Variants in SLC38A10 observed in about 807,000 individuals in gnomAD.
SLC38A10 encodes the protein Sodium-coupled neutral amino acid transporter 10.
Under a neutral mutation model 81.0 loss-of-function variants are expected in SLC38A10, and 53 were observed. That is an observed-to-expected ratio of 0.65 (90% CI 0.53 to 0.82). SLC38A10 has a LOEUF of 0.82. Among genes scored for constraint, SLC38A10 ranks in the 40% least tolerant of loss-of-function variants. The pLI is 0.00. For missense variants in SLC38A10, 1,471 were observed against 1,545.0 expected, an observed-to-expected ratio of 0.95 and a Z score of 0.80; for synonymous variants, 665 against 655.3, an observed-to-expected ratio of 1.01 and a Z score of -0.23.
Position 81,254,009 on chromosome 17 carries a change from AATC to A in SLC38A10, c.1289-772_1289-770del, listed in dbSNP as rs1239207150. Among the ~76,000 whole-genome samples the A allele has an allele frequency of 4.0e-5, 6 of 149,230 alleles. No homozygotes were observed. The East Asian group carries it at 6.1e-4, about 15-fold the overall frequency. On this transcript the variant is annotated intron_variant, in intron 11 of 15. Coordinates refer to ENST00000374759, the MANE Select transcript of SLC38A10 (RefSeq NM_001037984.3). Reference sequence around the variant, plus strand: ...GCTGCATCATTGCCACCACCTCCATAATCATCACCTACATCACCGTCACCTCCA... The same window carrying A: ...GCTGCATCATTGCCACCACCTCCATAATCACCTACATCACCGTCACCTCCA...
chr17:81,271,119 G>A, intron 9 of SLC38A10, 95 bp from the exon 10 acceptor site: 2 of 1,024,980 alleles, frequency 2.0e-6, no homozygotes, highest in Non-Finnish European at 1.5e-6. Context: ...GAGCAAGCCA[G>A]CATTGAAGGA....
In SLC38A10 at chr17:81,283,560, G is replaced by A; in HGVS notation, c.264-58C>T. On this transcript the variant is annotated intron_variant, in intron 3 of 15. Coordinates refer to ENST00000374759, the MANE Select transcript of SLC38A10 (RefSeq NM_001037984.3). This position sits in a 1 kb window ranked among gnomAD's most constrained non-coding sequence, Gnocchi z 4.7. Reference sequence around the variant, plus strand: ...TCAGGGCAAGCTGGCACACACCTGGGCTGCCGCCAGGGACTACCCCAAGGC... The same window carrying A: ...TCAGGGCAAGCTGGCACACACCTGGACTGCCGCCAGGGACTACCCCAAGGC... 1 of 1,365,934 alleles carries A rather than the reference G, an allele frequency of 7.3e-7. No homozygotes were observed. Among genetic ancestry groups the A allele is most frequent in the Non-Finnish European group, 1.0e-6 (1 of 972,430 alleles). The allele number at this position is 1,365,934 out of a possible 1,614,324, so 84.6% of individuals were successfully genotyped here.
chr17:81,250,591 A>G (rs1403232819), intron 14 of SLC38A10, among the ~76,000 whole-genome samples: 2 of 152,256 alleles, frequency 1.3e-5, no homozygotes, highest in Non-Finnish European at 2.9e-5. Context: ...TCCCTGGAAC[A>G]GACCCTCTCA....
Position 81,246,513 on chromosome 17 carries a change from G to A in SLC38A10, c.2403C>T (p.Arg801=), listed in dbSNP as rs755026709. Residue 801 remains arginine (R), a synonymous_variant, in exon 16 of 16, where the codon CGC becomes CGT. Transcript: ENST00000374759. ...CAGGCCCCTCAGAGTGCTCCAGGGA[G>A]CGCTGGTTAAGGTCCTGGGATGGAG... ...RPAPSQDLNQ[R]SLEHSEGPVG... is the part of the protein sequence containing the mutation. The A allele has an allele frequency of 3.9e-6, 6 of 1,531,448 alleles. No individual in the cohort carries two copies. Among genetic ancestry groups the A allele is most frequent in the Admixed American group, 4.3e-5 (2 of 46,418 alleles). 94.9% of individuals were successfully genotyped at this position (1,531,448 alleles called of 1,614,324 possible).
At chr17:81,275,804 A>G (rs926459751) in intron 8 of SLC38A10, among the ~76,000 whole-genome samples, 165 bp downstream of exon 8, 2 of 151,452 alleles carry the variant, frequency 1.3e-5, no homozygotes, top group African/African-American at 4.9e-5. Flanking sequence ...GCTCCTGCCC[A>G]TCAATCTGGT....
At chr17:81,280,272 G>A in intron 6 of SLC38A10, 1 of 454,094 alleles carries the variant, frequency 2.2e-6, no homozygotes, top group Non-Finnish European at 4.3e-6. Flanking sequence ...TCTCAGAACA[G>A]CTAAATTCTG....
At position 81,253,357 on chromosome 17, in the gene SLC38A10, T is replaced by G; in HGVS notation, c.1289-117A>C. 3.9e-6 allele frequency: 5 copies of G among 1,291,572 alleles called. No individual in the cohort carries two copies. Among genetic ancestry groups the G allele is most frequent in the Non-Finnish European group, 5.2e-6 (5 of 955,950 alleles). The allele number at this position is 1,291,572 out of a possible 1,614,324, so 80.0% of individuals were successfully genotyped here. A position where few individuals can be genotyped will look rare whatever the true frequency, so the allele number is the denominator to read the frequency against. On this transcript the variant is annotated intron_variant, in intron 11 of 15. Transcript: ENST00000374759. This position sits in a 1 kb window ranked among gnomAD's most constrained non-coding sequence, Gnocchi z 4.1. ...AATGGCAGAGTCAAAGCAGTTTCTT[T>G]TTCCTGTTCGATCATTAGCAGCTAA...
At chr17:81,269,957 T>A (rs1369492827) in intron 10 of SLC38A10, among the ~76,000 whole-genome samples, 1 of 151,760 alleles carries the variant, frequency 6.6e-6, no homozygotes, top group Non-Finnish European at 1.5e-5. Context: ...AGAGTGAAAC[T>A]CTGTCTCAAA....
chr17:81,245,016 T>C lies in SLC38A10; in HGVS notation c.*540A>G, dbSNP rs1425660698. 6.4e-6 allele frequency: 1 copy of C among 156,938 alleles called. No homozygotes were observed. Among genetic ancestry groups the C allele is most frequent in the South Asian group, 2.0e-4 (1 of 4,884 alleles). 9.7% of individuals were successfully genotyped at this position (156,938 alleles called of 1,614,324 possible). A position where few individuals can be genotyped will look rare whatever the true frequency, so the allele number is the denominator to read the frequency against. The stretch of plus-strand genomic sequence containing the variant: ...CACCGAGGCTGGGTGAAGGCAAAAG[T>C]GTTTATTCAAGACTTTCTACCACAC... On this transcript the variant is annotated 3_prime_UTR_variant, in exon 16 of 16. Coordinates refer to ENST00000374759, the MANE Select transcript of SLC38A10 (RefSeq NM_001037984.3).
rs368906549 is a variant in SLC38A10 at position 81,253,049 on chromosome 17, G to C, written c.1456+24C>G. 1.2e-6 allele frequency: 2 copies of C among 1,605,556 alleles called. No individual in the cohort carries two copies. Among genetic ancestry groups the C allele is most frequent in the Non-Finnish European group, 1.7e-6 (2 of 1,176,628 alleles). On this transcript the variant is annotated intron_variant, in intron 12 of 15. Coordinates refer to ENST00000374759, the MANE Select transcript of SLC38A10 (RefSeq NM_001037984.3). This position sits in a 1 kb window ranked among gnomAD's most constrained non-coding sequence, Gnocchi z 4.1. Reference sequence around the variant, plus strand: ...GACCCGGGGCCGCCCTTCCCCATCCGCACCCCCAGCCAGTGCCCAGCACCT... The same window carrying C: ...GACCCGGGGCCGCCCTTCCCCATCCCCACCCCCAGCCAGTGCCCAGCACCT...
At chr17:81,255,282 T>C (rs2062961585) in intron 11 of SLC38A10, among the ~76,000 whole-genome samples, 2 of 152,262 alleles carry the variant, frequency 1.3e-5, no homozygotes, top group South Asian at 4.1e-4. Flanking sequence ...TGCCCGGCGC[T>C]CTGCAGCTGT....
At chr17:81,294,072 G>A (rs1173550832) in intron 1 of SLC38A10, among the ~76,000 whole-genome samples, 5 of 152,312 alleles carry the variant, frequency 3.3e-5, no homozygotes, top group Admixed American at 6.5e-5. Flanking sequence ...GGAGTGCAAT[G>A]GCGTGATCTC....
At chr17:81,271,532 G>A (rs967568243) in intron 9 of SLC38A10, among the ~76,000 whole-genome samples, 3 of 152,192 alleles carry the variant, frequency 2.0e-5, no homozygotes, top group African/African-American at 7.2e-5. Context: ...TGTCTTGTCT[G>A]CTAGGGAGTG....
intron 1 of SLC38A10, among the ~76,000 whole-genome samples, chr17:81,293,504 T>C (rs957836226): frequency 6.6e-6 from 1 of 152,058 alleles, no homozygotes; most frequent in Non-Finnish European, 1.5e-5. Flanking sequence ...TGGGGTACTG[T>C]TGTGTTGCCC....
At chr17:81,268,900 T>C (rs1338483150) in intron 10 of SLC38A10, among the ~76,000 whole-genome samples, 1 of 152,088 alleles carries the variant, frequency 6.6e-6, no homozygotes, top group African/African-American at 2.4e-5. Context: ...AGACATACCA[T>C]GAATATAATG....
Position 81,246,821 on chromosome 17 carries a change from G to A in SLC38A10, c.2242+64C>T, listed in dbSNP as rs142704320. On this transcript the variant is annotated intron_variant, in intron 15 of 15. Transcript: ENST00000374759. ...AGGCCACCGAGCCTCAGACCCAGCC[G>A]CATGAGGACAGCAGGAGACCCCCTG... is the stretch of plus-strand genomic sequence containing the variant. The A allele has an allele frequency of 7.0e-4, 1,066 of 1,521,250 alleles. 1 individual carries two copies. The highest frequency in any genetic ancestry group is 1.1e-3 in the South Asian group (86 of 79,048). The allele number at this position is 1,521,250 out of a possible 1,614,324, so 94.2% of individuals were successfully genotyped here. A position where few individuals can be genotyped will look rare whatever the true frequency, so the allele number is the denominator to read the frequency against.
intron 14 of SLC38A10, among the ~76,000 whole-genome samples, chr17:81,248,119 G>A (rs1027467712): frequency 1.7e-4 from 26 of 151,880 alleles, no homozygotes; most frequent in African/African-American, 4.8e-4. Context: ...CACCGCGCCC[G>A]GCTAATGTTT....
chr17:81,268,166 C>T (rs987047390), intron 10 of SLC38A10, among the ~76,000 whole-genome samples: 6 of 151,672 alleles, frequency 4.0e-5, no homozygotes, highest in Non-Finnish European at 8.8e-5. Context: ...CAGCTGAGAC[C>T]CCAGAAGGGC....
At chr17:81,257,776 G>A (rs1421335825) in intron 11 of SLC38A10, among the ~76,000 whole-genome samples, 1 of 152,256 alleles carries the variant, frequency 6.6e-6, no homozygotes, top group Non-Finnish European at 1.5e-5. Flanking sequence ...ATTTTCCCAC[G>A]GAGCGGAAGT....
Sources: gnomAD v4.1 joint callset for allele counts (sites outside exome capture counted in the v4.1 genomes callset) on GRCh38, gnomAD v4.1.1 for gene constraint, Gnocchi (gnomAD v3.1) non-coding constraint, MANE v1.5 for transcripts, NCBI Gene and HGNC (gene_info 2026-07-23, HGNC 2026-07-21) for gene names.